Variants in CDK14 observed in about 807,000 individuals in gnomAD.
The protein encoded by CDK14 is cyclin dependent kinase 14, also known as cyclin-dependent kinase 14.
In CDK14, 34 loss-of-function variants were observed where a neutral mutation model predicts 60.7. The observed-to-expected ratio is 0.56, with a 90% CI of 0.43 to 0.75. The LOEUF is 0.75. Ranked by LOEUF, CDK14 falls within the 30% of genes least tolerant of loss-of-function variation. CDK14 has a pLI of 0.00. For missense variants in CDK14, 482 were observed against 564.1 expected, an observed-to-expected ratio of 0.85 and a Z score of 1.47; for synonymous variants, 197 against 203.7, an observed-to-expected ratio of 0.97 and a Z score of 0.28.
intron 10 of CDK14, among the ~76,000 whole-genome samples, chr7:91,033,653 C>G: frequency 6.6e-6 from 1 of 152,158 alleles, no homozygotes; most frequent in East Asian, 1.9e-4. Context: ...ACAGGTTTCT[C>G]CCTGTTTTTC....
At chr7:90,849,102 G>C (rs1364196762) in intron 5 of CDK14, among the ~76,000 whole-genome samples, 2 of 152,166 alleles carry the variant, frequency 1.3e-5, no homozygotes, top group Admixed American at 6.5e-5. Context: ...GGTGGGGCCT[G>C]TTGGGAGGTG....
At chr7:90,721,232 C>T (rs1440346695) in intron 2 of CDK14, among the ~76,000 whole-genome samples, 1 of 152,158 alleles carries the variant, frequency 6.6e-6, no homozygotes, top group African/African-American at 2.4e-5. Context: ...TCATTCATTC[C>T]TGTCCTTGAT....
chr7:91,192,401 T>A (rs1802390414), intron 14 of CDK14, among the ~76,000 whole-genome samples: 1 of 152,262 alleles, frequency 6.6e-6, no homozygotes, highest in South Asian at 2.1e-4. Context: ...CTTGCATTTC[T>A]GAGTTTCAGC....
chr7:90,650,100 C>G (rs897059977), intron 2 of CDK14, among the ~76,000 whole-genome samples: 3 of 152,176 alleles, frequency 2.0e-5, no homozygotes, highest in Admixed American at 2.0e-4. Context: ...ACTTATTTCT[C>G]CACAGCCTCT....
chr7:91,064,653 C>A (rs1250753648), intron 11 of CDK14, among the ~76,000 whole-genome samples: 1 of 152,194 alleles, frequency 6.6e-6, no homozygotes, highest in South Asian at 2.1e-4. Flanking sequence ...GCAACTCAAC[C>A]TTTCTAGCCT....
At chr7:90,823,644 G>A (rs1193099219) in intron 5 of CDK14, among the ~76,000 whole-genome samples, 2 of 152,174 alleles carry the variant, frequency 1.3e-5, no homozygotes, top group East Asian at 3.9e-4. Context: ...ACCAAACCTA[G>A]TCTTCAGGCT....
intron 14 of CDK14, among the ~76,000 whole-genome samples, chr7:91,145,918 CTTTATTTATTTATTTATTTA>C (rs144547153): frequency 9.5e-5 from 14 of 147,852 alleles, no homozygotes; most frequent in Admixed American, 6.7e-4. Context: ...ACCTGGCTTG[CTTTATTTATTTATTTATTTA>C]TTTATTTATT....
At chr7:90,692,936 TAA>T (rs764007388) in intron 2 of CDK14, among the ~76,000 whole-genome samples, 12 of 141,052 alleles carry the variant, frequency 8.5e-5, no homozygotes, top group Middle Eastern at 3.7e-3. Flanking sequence ...TTCCATCAAG[TAA>T]AAAAAAAAAA....
At chr7:91,111,600 T>C (rs1331540934) in intron 12 of CDK14, among the ~76,000 whole-genome samples, 1 of 152,170 alleles carries the variant, frequency 6.6e-6, no homozygotes. Flanking sequence ...ACCCAAGTGA[T>C]CCACTGCCAT....
intron 8 of CDK14, among the ~76,000 whole-genome samples, chr7:90,952,579 G>A (rs1243804411): frequency 2.6e-5 from 4 of 152,138 alleles, no homozygotes; most frequent in African/African-American, 7.2e-5. Flanking sequence ...GGTGCCCATC[G>A]GAATTGTACC....
intron 1 of CDK14, among the ~76,000 whole-genome samples, chr7:90,598,160 T>G (rs1033074051): frequency 1.3e-5 from 2 of 152,212 alleles, no homozygotes; most frequent in Non-Finnish European, 2.9e-5. Flanking sequence ...AACTATATAT[T>G]TACTAATGCT....
rs975998276 is a variant in CDK14, at chr7:91,088,774, G to T, written c.1154+9294G>T. On this transcript the variant is annotated intron_variant, in intron 12 of 14. Coordinates refer to ENST00000380050, the MANE Select transcript of CDK14 (RefSeq NM_001287135.2). ...ATATACAAACATAATGCCAAATAGA[G>T]AACTTCCCTTAAATTATTCAAATCT... Among the ~76,000 whole-genome samples, 17 of 152,154 alleles carry T rather than the reference G, an allele frequency of 1.1e-4. 1 individual carries two copies. Among genetic ancestry groups the T allele is most frequent in the Admixed American group, 2.0e-4 (3 of 15,274 alleles).
chr7:90,630,551 TACTTTG>T, intron 2 of CDK14, among the ~76,000 whole-genome samples: 1 of 152,374 alleles, frequency 6.6e-6, no homozygotes, highest in East Asian at 1.9e-4. Flanking sequence ...TCAAAAGTTG[TACTTTG>T]ACTTATTAGC....
chr7:90,899,172 A>G (rs1792425679), intron 6 of CDK14, 119 bp from the exon 7 acceptor site: 2 of 704,162 alleles, frequency 2.8e-6, no homozygotes, highest in African/African-American at 1.9e-5. Context: ...TGAAAAATCC[A>G]CCCACTTGTC....
chr7:91,126,764 A>G (rs1251655024), intron 14 of CDK14, among the ~76,000 whole-genome samples: 2 of 152,146 alleles, frequency 1.3e-5, no homozygotes, highest in Non-Finnish European at 2.9e-5. Context: ...TCAGAGACTT[A>G]AAGTATTCTC....
At chr7:90,803,307 C>T (rs1360767559) in intron 5 of CDK14, among the ~76,000 whole-genome samples, 3 of 152,018 alleles carry the variant, frequency 2.0e-5, no homozygotes, top group African/African-American at 4.8e-5. Flanking sequence ...TTGAATTTAC[C>T]TATTTTCAGT....
intron 6 of CDK14, among the ~76,000 whole-genome samples, chr7:90,870,068 A>T (rs1791316993): frequency 6.6e-6 from 1 of 152,144 alleles, no homozygotes; most frequent in Non-Finnish European, 1.5e-5. Flanking sequence ...GGCTATTCTA[A>T]TGGCAGGTGG....
intron 2 of CDK14, chr7:90,726,312 C>CA: frequency 1.0e-6 from 1 of 983,628 alleles, no homozygotes; most frequent in Non-Finnish European, 1.2e-6. Context: ...GTACTACTAG[C>CA]AGCCTGGGCC....
chr7:91,139,810 CTTTCTTTT>C (rs1214981164), intron 14 of CDK14, among the ~76,000 whole-genome samples: 2 of 136,032 alleles, frequency 1.5e-5, no homozygotes, highest in Admixed American at 1.5e-4. Context: ...TTCTTTCTTT[CTTTCTTTT>C]CTTTTCTTTC....
Sources: allele counts gnomAD v4.1 joint callset (sites outside exome capture counted in the v4.1 genomes callset), GRCh38; gene constraint gnomAD v4.1.1; transcripts MANE v1.5; gene names NCBI Gene and HGNC (gene_info 2026-07-23, HGNC 2026-07-21).